Variants in LPIN1 observed in about 807,000 individuals in gnomAD.
The protein encoded by LPIN1 is phosphatidate phosphatase LPIN1.
Under a neutral mutation model 107.5 loss-of-function variants are expected in LPIN1, and 71 were observed. The observed-to-expected ratio is 0.66, with a 90% CI of 0.55 to 0.80. The LOEUF is 0.80. LPIN1 is among the 30% of genes least tolerant of loss of function. The pLI is 0.00. For synonymous variants in LPIN1, 445 were observed against 452.6 expected (o/e 0.98, Z 0.21); for missense variants, 1,043 against 1,160.6 (o/e 0.90, Z 1.47).
At chr2:11,744,880 A>G (rs151094012), upstream of LPIN1, among the ~76,000 whole-genome samples, 6 of 152,280 alleles carry the variant, frequency 3.9e-5, no homozygotes, top group Non-Finnish European at 8.8e-5. Flanking sequence ...ACAAACTGCA[A>G]GATTCTCTTT....
chr2:11,806,754 C>T (rs1313341848), intron 17 of LPIN1, among the ~76,000 whole-genome samples: 1 of 152,094 alleles, frequency 6.6e-6, no homozygotes, highest in Non-Finnish European at 1.5e-5. Flanking sequence ...CAGTAAAGCG[C>T]AGAGGTTGTA....
intron 1 of LPIN1, among the ~76,000 whole-genome samples, chr2:11,694,530 G>T (rs1386431986): frequency 6.6e-6 from 1 of 152,156 alleles, no homozygotes; most frequent in Non-Finnish European, 1.5e-5. Context: ...CAAATCCTGG[G>T]CTGGTTTCCT....
At chr2:11,748,261 A>T (rs1258159760) in intron 1 of LPIN1, among the ~76,000 whole-genome samples, 2 of 152,250 alleles carry the variant, frequency 1.3e-5, no homozygotes, top group African/African-American at 4.8e-5. Context: ...CAAAGGGCCC[A>T]GAACAGACGG....
intron 7 of LPIN1, among the ~76,000 whole-genome samples, chr2:11,781,183 C>G (rs1379607768): frequency 6.6e-6 from 1 of 152,140 alleles, no homozygotes; most frequent in Non-Finnish European, 1.5e-5. Context: ...AGATGGGCAG[C>G]TTTTTGGAGA....
At chr2:11,783,240 G>C (rs1453177306) in intron 8 of LPIN1, among the ~76,000 whole-genome samples, 1 of 152,212 alleles carries the variant, frequency 6.6e-6, no homozygotes, top group Non-Finnish European at 1.5e-5. Flanking sequence ...CACAGTGTGG[G>C]ATGCTTTGCC....
At chr2:11,691,082 TG>T (rs200056181) in intron 1 of LPIN1, among the ~76,000 whole-genome samples, 2 of 117,328 alleles carry the variant, frequency 1.7e-5, no homozygotes, top group African/African-American at 3.8e-5. Flanking sequence ...AATCTTGTTG[TG>T]GTTTTTTTTT....
At position 11,771,504 on chromosome 2, in the gene LPIN1, G is replaced by C. The variant is rs747531487; in HGVS notation, c.421G>C (p.Ala141Pro). ...CCCCAGCACGCCAGCCCAAGTGATC[G>C]CTCCCAGCGAGACGCCGTCAAGCAG... ...LDPSTPAQVI[A>P]PSETPSSSSV... The change falls in exon 4 of 21, where the codon GCT becomes CCT. Residue 141 changes from alanine (A) to proline (P), a missense_variant. Coordinates refer to ENST00000674199, the MANE Select transcript of LPIN1 (RefSeq NM_001349206.2). This position sits in a 1 kb window ranked among gnomAD's most constrained non-coding sequence, Gnocchi z 4.8. 3.7e-6 allele frequency: 6 copies of C among 1,614,056 alleles called. No individual in the cohort carries two copies. The highest frequency in any genetic ancestry group is 5.1e-6 in the Non-Finnish European group (6 of 1,180,048).
At chr2:11,815,618 G>A (rs1379977520) in intron 18 of LPIN1, among the ~76,000 whole-genome samples, 6 of 151,972 alleles carry the variant, frequency 3.9e-5, no homozygotes, top group African/African-American at 1.5e-4. Context: ...TTCTTGAGTG[G>A]CCTGGCTGAA....
intron 1 of LPIN1, among the ~76,000 whole-genome samples, chr2:11,711,956 A>C (rs147753308): frequency 1.3e-5 from 2 of 152,262 alleles, no homozygotes; most frequent in Admixed American, 6.5e-5. Context: ...CCATTTGACC[A>C]TAGCCATTTC....
intron 9 of LPIN1, 180 bp from the exon 10 acceptor site, chr2:11,784,706 C>T (rs1442749120): frequency 1.2e-5 from 8 of 688,708 alleles, no homozygotes; most frequent in Non-Finnish European, 1.9e-5. Flanking sequence ...GGTTTTCTCT[C>T]CTAAGCTAAG....
chr2:11,677,827 C>T (rs1425314996), intron 1 of LPIN1: 28 of 1,031,328 alleles, frequency 2.7e-5, no homozygotes, highest in Admixed American at 2.1e-5. Context: ...GGAACATTTG[C>T]GCCCAGAGCG....
At chr2:11,759,145 C>CTT (rs1341267434) in intron 1 of LPIN1, among the ~76,000 whole-genome samples, 4 of 130,060 alleles carry the variant, frequency 3.1e-5, no homozygotes, top group Non-Finnish European at 6.6e-5. Flanking sequence ...TTCTTTCTTT[C>CTT]TTTCTTTCTT....
chr2:11,784,043 G>A (rs1306443833), intron 9 of LPIN1, 121 bp downstream of exon 9: 5 of 1,539,630 alleles, frequency 3.2e-6, no homozygotes, highest in African/African-American at 1.4e-5. Flanking sequence ...GGTGGCTCAC[G>A]CCTGTAATCC....
rs755597832 is a variant in LPIN1, at chr2:11,764,076, G to GTATATA, written c.-9-1456_-9-1455insATATAT. On this transcript the variant is annotated intron_variant, in intron 1 of 20. Transcript: ENST00000674199. ...CAAATGTGTGTGTGTGTGTGTGTGT[G>GTATATA]TGTATATATATATATATATATATAT... The GTATATA allele has an allele frequency of 2.1e-3, 123 of 57,624 alleles. 1 individual carries two copies. The highest frequency in any genetic ancestry group is 0.01 in the African/African-American group (106 of 10,428). 3.6% of individuals were successfully genotyped at this position (57,624 alleles called of 1,614,324 possible).
In LPIN1 at chr2:11,804,715, A is replaced by G; in HGVS notation, c.2162+144A>G. On this transcript the variant is annotated intron_variant, in intron 16 of 20. Coordinates refer to ENST00000674199, the MANE Select transcript of LPIN1 (RefSeq NM_001349206.2). ...CAGTTGGAGCTCCTTACGTAGTTTC[A>G]GCTCCTTGGTGGCAATCATTGTGTT... The G allele has an allele frequency of 4.7e-6, 4 of 844,138 alleles. No individual in the cohort carries two copies. The South Asian group carries it at 5.7e-5, about 12-fold the overall frequency. 52.3% of individuals were successfully genotyped at this position (844,138 alleles called of 1,614,324 possible). A position where few individuals can be genotyped will look rare whatever the true frequency, so the allele number is the denominator to read the frequency against.
At position 11,771,774 on chromosome 2, in the gene LPIN1, C is replaced by G. The variant is rs1304625129; in HGVS notation, c.596+95C>G. 3.0e-6 allele frequency: 4 copies of G among 1,330,690 alleles called. No individual in the cohort carries two copies. Among genetic ancestry groups the G allele is most frequent in the African/African-American group, 2.9e-5 (2 of 68,206 alleles). 82.4% of individuals were successfully genotyped at this position (1,330,690 alleles called of 1,614,324 possible). ...AACTTTTCCCCCATAATTCCTTATT[C>G]TTTTATGTGTTTTAGACCAGTGGTC... On this transcript the variant is annotated intron_variant, in intron 4 of 20. Transcript: ENST00000674199. This position sits in a 1 kb window ranked among gnomAD's most constrained non-coding sequence, Gnocchi z 4.8.
At chr2:11,779,726 C>T in intron 7 of LPIN1, 81 bp downstream of exon 7, 1 of 1,575,504 alleles carries the variant, frequency 6.3e-7, no homozygotes, top group South Asian at 1.1e-5. Context: ...CATAGCATAG[C>T]CAAGAAACAC....
chr2:11,724,610 A>G (rs1233918917), intron 1 of LPIN1: 3 of 985,374 alleles, frequency 3.0e-6, no homozygotes, highest in Non-Finnish European at 3.6e-6. Context: ...GTGCCTTCTG[A>G]TGGGGAGATG....
rs1042398724 is a variant in LPIN1, at chr2:11,826,200, C to T, written c.*1409C>T. The T allele has an allele frequency of 4.3e-4, 65 of 152,516 alleles. No individual in the cohort carries two copies. Among genetic ancestry groups the T allele is most frequent in the African/African-American group, 1.4e-3 (60 of 41,420 alleles). The allele number at this position is 152,516 out of a possible 1,614,324, so 9.4% of individuals were successfully genotyped here. Reference sequence around the variant, plus strand: ...CCTATTTAAATTTCATTGTTAGAATCACAGGAGGCAAAAAATGGAACGGTT... The same window carrying T: ...CCTATTTAAATTTCATTGTTAGAATTACAGGAGGCAAAAAATGGAACGGTT... On this transcript the variant is annotated 3_prime_UTR_variant, in exon 21 of 21. Coordinates refer to ENST00000674199, the MANE Select transcript of LPIN1 (RefSeq NM_001349206.2).
Sources: allele counts gnomAD v4.1 joint callset (sites outside exome capture counted in the v4.1 genomes callset), GRCh38; gene constraint gnomAD v4.1.1; non-coding constraint Gnocchi (gnomAD v3.1); transcripts MANE v1.5; gene names NCBI Gene and HGNC (gene_info 2026-07-23, HGNC 2026-07-21).